ATP2A2: variants seen among roughly 807,000 people sequenced by gnomAD.
ATP2A2 encodes sarcoplasmic/endoplasmic reticulum calcium ATPase 2.
ATP2A2 carries 14 observed loss-of-function variants against 109.3 expected under a neutral mutation model. The observed-to-expected ratio is 0.13, with a 90% CI of 0.08 to 0.20. The LOEUF is 0.20. Among genes scored for constraint, ATP2A2 ranks in the 10% least tolerant of loss-of-function variants. The pLI, the probability that ATP2A2 is intolerant of heterozygous loss-of-function variation, is 1.00. For missense variants in ATP2A2, 657 were observed against 1,321.6 expected (o/e 0.50, Z 7.80); for synonymous variants, 506 against 490.9 (o/e 1.03, Z -0.41).
At chr12:110,332,840 T>C (rs1467031966) in intron 9 of ATP2A2, among the ~76,000 whole-genome samples, 155 bp downstream of exon 9, 1 of 152,236 alleles carries the variant, frequency 6.6e-6, no homozygotes, top group Non-Finnish European at 1.5e-5. Context: ...ACAAAAACTT[T>C]GAAAGATGAA....
At position 110,342,888 on chromosome 12, in the gene ATP2A2, G is replaced by A. The variant is rs774735775; in HGVS notation, c.2319-344G>A. Among the ~76,000 whole-genome samples the A allele has an allele frequency of 9.9e-5, 15 of 152,050 alleles. No individual in the cohort carries two copies. The highest frequency in any genetic ancestry group is 2.1e-4 in the Non-Finnish European group (14 of 68,004). On this transcript the variant is annotated intron_variant, in intron 15 of 19. Coordinates refer to ENST00000539276, the MANE Select transcript of ATP2A2 (RefSeq NM_170665.4). The surrounding 1 kb of genome is among the most constrained non-coding windows in gnomAD (Gnocchi z 4.6). ...CGAACAGCTGGGATTACAGGCATGC[G>A]CCACCACTCCCTGCCATTTTTTTGT...
intron 5 of ATP2A2, among the ~76,000 whole-genome samples, chr12:110,315,205 A>C (rs1876543475): frequency 6.6e-6 from 1 of 152,064 alleles, no homozygotes; most frequent in Non-Finnish European, 1.5e-5. Flanking sequence ...GAAAGAGGGG[A>C]AGAAGAATGG....
chr12:110,332,445 G>C, intron 8 of ATP2A2, 152 bp from the exon 9 acceptor site: 1 of 724,478 alleles, frequency 1.4e-6, no homozygotes. Context: ...CAGTACTGCT[G>C]ATGCTGAGTG....
intron 1 of ATP2A2, 22 bp downstream of exon 1, chr12:110,281,929 G>T (rs1872135568): frequency 6.5e-7 from 1 of 1,549,272 alleles, no homozygotes; most frequent in Non-Finnish European, 8.7e-7. Flanking sequence ...GCGCTCCGCT[G>T]CAGGGGCCCG....
chr12:110,284,926 T>G (rs113342589), intron 3 of ATP2A2, among the ~76,000 whole-genome samples: 2 of 152,288 alleles, frequency 1.3e-5, no homozygotes, highest in Admixed American at 6.5e-5. Context: ...GCTGCTGCAT[T>G]GTCTTTAGTG....
At chr12:110,294,796 T>C (rs1339710070) in intron 4 of ATP2A2, among the ~76,000 whole-genome samples, 1 of 152,150 alleles carries the variant, frequency 6.6e-6, no homozygotes, top group African/African-American at 2.4e-5. Context: ...GCATAGTCTT[T>C]TATTTCTGAC....
intron 5 of ATP2A2, among the ~76,000 whole-genome samples, chr12:110,314,336 GA>G (rs398055936): frequency 1.5e-3 from 185 of 122,564 alleles, no homozygotes; most frequent in East Asian, 0.014. Context: ...CTCAAAAAAA[GA>G]AAAAAAAAAA....
chr12:110,316,092 G>A (rs1237581923), intron 5 of ATP2A2, among the ~76,000 whole-genome samples: 1 of 152,156 alleles, frequency 6.6e-6, no homozygotes, highest in East Asian at 1.9e-4. Flanking sequence ...ATCTCAAAAA[G>A]TAAAATAAAA....
chr12:110,295,527 A>T (rs1441918616), intron 4 of ATP2A2, among the ~76,000 whole-genome samples: 1 of 152,222 alleles, frequency 6.6e-6, no homozygotes, highest in Non-Finnish European at 1.5e-5. Context: ...TGAGCAGTCC[A>T]GTTAAATTCC....
chr12:110,346,681 A>G lies in ATP2A2; in HGVS notation c.*211A>G. On this transcript the variant is annotated 3_prime_UTR_variant, in exon 20 of 20. Transcript: ENST00000539276. ...AATTAAAGTGTCCATTGACATGTAC[A>G]GAGAACTAACACTATTTTATGCAAA... The G allele has an allele frequency of 7.0e-7, 1 of 1,430,512 alleles. No individual in the cohort carries two copies. The highest frequency in any genetic ancestry group is 1.5e-5 in the South Asian group (1 of 66,254). 88.6% of individuals were successfully genotyped at this position (1,430,512 alleles called of 1,614,324 possible).
In ATP2A2 at chr12:110,347,089, T is replaced by A; in HGVS notation, c.*619T>A. 9.2e-7 allele frequency: 1 copy of A among 1,082,724 alleles called. No homozygotes were observed. The highest frequency in any genetic ancestry group is 1.1e-6 in the Non-Finnish European group (1 of 894,442). 67.1% of individuals were successfully genotyped at this position (1,082,724 alleles called of 1,614,324 possible). On this transcript the variant is annotated 3_prime_UTR_variant, in exon 20 of 20. Coordinates refer to ENST00000539276, the MANE Select transcript of ATP2A2 (RefSeq NM_170665.4). ...GGCTTCTTCTTTAGGATTGTGATGG[T>A]TCGTTCTGTTTACATCAGTTTTAAC...
At position 110,343,168 on chromosome 12, in the gene ATP2A2, C is replaced by T; in HGVS notation, c.2319-64C>T. ...TCTGGAGGAGGGCGGGTTGATGATG[C>T]TCTTTAAATAGTGGCCAGAAGTCAT... is the stretch of plus-strand genomic sequence containing the variant. On this transcript the variant is annotated intron_variant, in intron 15 of 19. Coordinates refer to ENST00000539276, the MANE Select transcript of ATP2A2 (RefSeq NM_170665.4). The T allele has an allele frequency of 4.6e-6, 7 of 1,535,052 alleles. No homozygotes were observed. The South Asian group carries it at 7.8e-5, about 17-fold the overall frequency.
chr12:110,339,144 A>T lies in ATP2A2; in HGVS notation c.1420-137A>T. ...TCTCCCAAAATAGGGGACAAGTTTCATGAGGGCAAAAACCTGTCTGTTTTG... is the reference window on the plus strand; with the variant it reads ...TCTCCCAAAATAGGGGACAAGTTTCTTGAGGGCAAAAACCTGTCTGTTTTG... On this transcript the variant is annotated intron_variant, in intron 11 of 19. Transcript: ENST00000539276. This position sits in a 1 kb window ranked among gnomAD's most constrained non-coding sequence, Gnocchi z 4.4. The T allele has an allele frequency of 9.0e-6, 11 of 1,224,556 alleles. No homozygotes were observed. The highest frequency in any genetic ancestry group is 1.3e-5 in the Non-Finnish European group (11 of 852,660). The allele number at this position is 1,224,556 out of a possible 1,614,324, so 75.9% of individuals were successfully genotyped here. A position where few individuals can be genotyped will look rare whatever the true frequency, so the allele number is the denominator to read the frequency against.
chr12:110,281,687 C>T lies in ATP2A2; in HGVS notation c.-103C>T, dbSNP rs1592781984. ...CAAGAGGAGGAGGGGAGAGCCCGTC[C>T]GCGCCTGGGCTCCCGGGGTGGCACG... On this transcript the variant is annotated 5_prime_UTR_variant, in exon 1 of 20. Coordinates refer to ENST00000539276, the MANE Select transcript of ATP2A2 (RefSeq NM_170665.4). The T allele has an allele frequency of 4.0e-6, 3 of 743,258 alleles. No homozygotes were observed. The highest frequency in any genetic ancestry group is 2.6e-5 in the South Asian group (1 of 37,742). 46.0% of individuals were successfully genotyped at this position (743,258 alleles called of 1,614,324 possible).
At chr12:110,332,553 T>C in intron 8 of ATP2A2, 44 bp from the exon 9 acceptor site, 1 of 1,505,880 alleles carries the variant, frequency 6.6e-7, no homozygotes, top group African/African-American at 1.4e-5. Flanking sequence ...GTAGCATTTT[T>C]TAAAAATCCC....
intron 5 of ATP2A2, 78 bp downstream of exon 5, chr12:110,296,815 TA>T: frequency 2.0e-6 from 3 of 1,471,854 alleles, no homozygotes; most frequent in Non-Finnish European, 2.8e-6. Context: ...CTCATAATTA[TA>T]TTTAAAATAA....
At chr12:110,300,682 G>T (rs1212560704) in intron 5 of ATP2A2, among the ~76,000 whole-genome samples, 2 of 143,554 alleles carry the variant, frequency 1.4e-5, no homozygotes, top group Non-Finnish European at 1.5e-5. Context: ...ATGGGGTCTT[G>T]CTTTGTTGTC....
At chr12:110,292,156 A>G in intron 4 of ATP2A2, 32 bp downstream of exon 4, 1 of 1,487,368 alleles carries the variant, frequency 6.7e-7, no homozygotes, top group Non-Finnish European at 9.4e-7. Flanking sequence ...GCAAAATTTC[A>G]ATAAGTTATG....
intron 1 of ATP2A2, 41 bp from the exon 2 acceptor site, chr12:110,282,559 ACCTC>A: frequency 6.2e-7 from 1 of 1,601,650 alleles, no homozygotes; most frequent in Non-Finnish European, 8.5e-7. Flanking sequence ...TTTTTTTTTA[ACCTC>A]CCTCTTGACA....
Sources: allele counts gnomAD v4.1 joint callset (sites outside exome capture counted in the v4.1 genomes callset), GRCh38; gene constraint gnomAD v4.1.1; non-coding constraint Gnocchi (gnomAD v3.1); transcripts MANE v1.5; gene names NCBI Gene and HGNC (gene_info 2026-07-23, HGNC 2026-07-21).